NRK: variants seen among roughly 807,000 people sequenced by gnomAD.
The protein encoded by NRK is Nik related kinase, also known as nik-related protein kinase.
NRK carries 67 observed loss-of-function variants against 125.2 expected under a neutral mutation model. That is an observed-to-expected ratio of 0.54 (90% CI 0.44 to 0.66). The LOEUF is 0.66. Among genes scored for constraint, NRK ranks in the 30% least tolerant of loss-of-function variants. NRK has a pLI of 0.00. For missense variants in NRK, 1,224 were observed against 1,192.9 expected, an observed-to-expected ratio of 1.03 and a Z score of -0.38; for synonymous variants, 458 against 429.0, an observed-to-expected ratio of 1.07 and a Z score of -0.84.
At chrX:105,871,659 A>G (rs760717231) in intron 2 of NRK, among the ~76,000 whole-genome samples, 1 of 111,465 alleles carries the variant, frequency 9.0e-6, no homozygotes, top group Non-Finnish European at 1.9e-5. Flanking sequence ...GGAGCTGCCA[A>G]TCCAGTAGGG....
At chrX:105,937,847 C>T (rs760240528) in intron 22 of NRK, among the ~76,000 whole-genome samples, 1 of 111,871 alleles carries the variant, frequency 8.9e-6, no homozygotes, top group East Asian at 2.8e-4. Context: ...AGTGCAGCCT[C>T]CTACAACTTC....
Position 105,939,883 on chromosome X carries a change from A to G in NRK, c.3809A>G (p.Asn1270Ser). 1.7e-6 allele frequency: 2 copies of G among 1,170,294 alleles called. No homozygotes were observed. Among genetic ancestry groups the G allele is most frequent in the Non-Finnish European group, 2.3e-6 (2 of 862,045 alleles). The change falls in exon 23 of 29, where the codon AAC becomes AGC. Residue 1270 changes from asparagine (N) to serine (S), a missense_variant. Physicochemically the swap from Asn to Ser is conservative, Grantham distance 46 (BLOSUM62 1). Transcript: ENST00000243300. The stretch of plus-strand genomic sequence containing the variant: ...TTTTCTTATCTATCAGGTCATAAGA[A>G]CAGACTTCGGGTGTATCATCTGACC... ...NLLITISGHK[N>S]RLRVYHLTWL...
chrX:105,853,798 A>G (rs1185315036), intron 2 of NRK, among the ~76,000 whole-genome samples: 1 of 112,447 alleles, frequency 8.9e-6, no homozygotes, highest in Non-Finnish European at 1.9e-5. Context: ...TAATATAAGC[A>G]AATATCCTGA....
intron 23 of NRK, 68 bp downstream of exon 23, chrX:105,940,100 A>G (rs2040719007): frequency 1.3e-6 from 1 of 788,518 alleles, no homozygotes; most frequent in Non-Finnish European, 1.8e-6. Context: ...GAACTACATA[A>G]TTATGAAAGG....
intron 27 of NRK, among the ~76,000 whole-genome samples, chrX:105,950,527 A>T (rs919370429): frequency 1.3e-5 from 1 of 77,981 alleles, no homozygotes; most frequent in Non-Finnish European, 2.5e-5. Flanking sequence ...AAAAGGCAGC[A>T]GTGTGTGTGT....
intron 18 of NRK, 38 bp downstream of exon 18, chrX:105,923,520 A>G: frequency 9.9e-7 from 1 of 1,005,392 alleles, no homozygotes; most frequent in Non-Finnish European, 1.3e-6. Context: ...TCCATGTTTT[A>G]TGACTGCAGA....
chrX:105,925,077 T>C (rs1202852011), intron 19 of NRK, 46 bp downstream of exon 19: 1 of 963,409 alleles, frequency 1.0e-6, no homozygotes, highest in Non-Finnish European at 1.5e-6. Flanking sequence ...TCATTGCGAA[T>C]GTGTTTCTTC....
intron 22 of NRK, 46 bp from the exon 23 acceptor site, chrX:105,939,828 A>G (rs776687650): frequency 4.0e-5 from 31 of 779,993 alleles, no homozygotes; most frequent in Non-Finnish European, 5.1e-5. Flanking sequence ...CTAATATATG[A>G]AAAGAAAGAC....
At chrX:105,927,133 G>A (rs1418259853) in intron 19 of NRK, among the ~76,000 whole-genome samples, 1 of 110,448 alleles carries the variant, frequency 9.1e-6, no homozygotes, top group Non-Finnish European at 1.9e-5. Flanking sequence ...CTCTCCTTTT[G>A]TGTGTGTGTC....
chrX:105,851,442 C>T (rs769463460), intron 2 of NRK, among the ~76,000 whole-genome samples: 6 of 112,249 alleles, frequency 5.3e-5, no homozygotes, highest in African/African-American at 1.3e-4. Flanking sequence ...ATATGTTCCA[C>T]GGACCAGCCT....
chrX:105,830,761 T>A (rs184832265), intron 1 of NRK, among the ~76,000 whole-genome samples: 1 of 103,661 alleles, frequency 9.6e-6, no homozygotes, highest in Non-Finnish European at 1.9e-5. Flanking sequence ...ATGTTTTCAC[T>A]CATAGGTGGG....
At chrX:105,906,025 A>T (rs1047247419) in intron 10 of NRK, among the ~76,000 whole-genome samples, 3 of 111,891 alleles carry the variant, frequency 2.7e-5, no homozygotes, top group Non-Finnish European at 5.6e-5. Context: ...TCTGTAGTTA[A>T]AACTGCATAT....
chrX:105,932,478 CTT>C (rs2040607690), intron 19 of NRK, among the ~76,000 whole-genome samples: 2 of 112,482 alleles, frequency 1.8e-5, no homozygotes, highest in Non-Finnish European at 3.7e-5. Context: ...CATTTATTGA[CTT>C]TATAAATAGG....
At chrX:105,822,503 C>G, upstream of NRK, 1 of 294,633 alleles carries the variant, frequency 3.4e-6, no homozygotes, top group Non-Finnish European at 6.0e-6. Context: ...GCACCGCCCC[C>G]CTCCCCACCC....
chrX:105,868,056 T>C (rs903537537), intron 2 of NRK, among the ~76,000 whole-genome samples: 5 of 111,382 alleles, frequency 4.5e-5, no homozygotes, highest in Non-Finnish European at 9.4e-5. Context: ...TCCTTAAAAA[T>C]AAAAACTATA....
intron 28 of NRK, among the ~76,000 whole-genome samples, chrX:105,955,048 TGAAAA>T (rs925584570): frequency 9.1e-5 from 10 of 110,310 alleles, no homozygotes; most frequent in African/African-American, 3.3e-4. Flanking sequence ...TAAAAAATAA[TGAAAA>T]GAAAAAAAAA....
At chrX:105,873,400 T>C (rs896557162) in intron 2 of NRK, among the ~76,000 whole-genome samples, 2 of 111,314 alleles carry the variant, frequency 1.8e-5, no homozygotes, top group African/African-American at 6.5e-5. Flanking sequence ...CCCCAAGAAA[T>C]TGATCATTAC....
chrX:105,873,266 G>A (rs1026466085), intron 2 of NRK, among the ~76,000 whole-genome samples: 1 of 111,409 alleles, frequency 9.0e-6, no homozygotes, highest in Admixed American at 9.5e-5. Context: ...AGGCCATCAA[G>A]GACTGTCCTG....
At chrX:105,936,453 C>A (rs1439298903) in intron 21 of NRK, among the ~76,000 whole-genome samples, 1 of 111,853 alleles carries the variant, frequency 8.9e-6, no homozygotes, top group Non-Finnish European at 1.9e-5. Flanking sequence ...TCCTCCTTCT[C>A]TGATTCCCCT....
Sources: gnomAD v4.1 joint callset for allele counts (sites outside exome capture counted in the v4.1 genomes callset) on GRCh38, gnomAD v4.1.1 for gene constraint, MANE v1.5 for transcripts, NCBI Gene and HGNC (gene_info 2026-07-23, HGNC 2026-07-21) for gene names.